STOX2: variants seen among roughly 807,000 people sequenced by gnomAD.
STOX2 encodes storkhead-box protein 2.
Under a neutral mutation model 60.9 loss-of-function variants are expected in STOX2, and 28 were observed. That is an observed-to-expected ratio of 0.46 (90% CI 0.34 to 0.63). The LOEUF is 0.63. STOX2 is among the 30% of genes least tolerant of loss of function. The pLI is 0.01. For synonymous variants in STOX2, 472 were observed against 463.9 expected, an observed-to-expected ratio of 1.02 and a Z score of -0.22; for missense variants, 1,024 against 1,187.7, an observed-to-expected ratio of 0.86 and a Z score of 2.03.
chr4:183,952,378 T>C (rs1743121275), intron 1 of STOX2, among the ~76,000 whole-genome samples: 1 of 152,256 alleles, frequency 6.6e-6, no homozygotes, highest in Admixed American at 6.5e-5. Flanking sequence ...TTTTCTTCAT[T>C]CTGAATTATT....
chr4:183,939,968 A>G (rs1027154668), intron 1 of STOX2, among the ~76,000 whole-genome samples: 2 of 152,210 alleles, frequency 1.3e-5, no homozygotes, highest in African/African-American at 4.8e-5. Flanking sequence ...CAATGGCACG[A>G]TCTCAGCTCA....
intron 1 of STOX2, among the ~76,000 whole-genome samples, chr4:183,833,939 G>T (rs375111225): frequency 1.5e-5 from 2 of 133,598 alleles, no homozygotes; most frequent in South Asian, 2.3e-4. Context: ...CCGAGATCCC[G>T]CCACTGCACT....
chr4:183,974,907 C>T (rs553569276), intron 1 of STOX2, among the ~76,000 whole-genome samples: 130 of 152,112 alleles, frequency 8.5e-4, no homozygotes, highest in African/African-American at 3.1e-3. Flanking sequence ...CTTTAAAATC[C>T]TCAGGGAGCA....
At chr4:183,995,855 C>T (rs773064870) in intron 1 of STOX2, among the ~76,000 whole-genome samples, 6 of 152,178 alleles carry the variant, frequency 3.9e-5, no homozygotes, top group Non-Finnish European at 5.9e-5. Flanking sequence ...CTCAGCTCCC[C>T]GGGCTGCCTG....
intron 1 of STOX2, among the ~76,000 whole-genome samples, chr4:183,874,675 C>T (rs1270306950): frequency 2.0e-5 from 3 of 151,240 alleles, no homozygotes; most frequent in African/African-American, 7.3e-5. Context: ...GCCTGTAATC[C>T]CAACACTTTG....
intron 1 of STOX2, among the ~76,000 whole-genome samples, chr4:183,931,460 A>G (rs529605883): frequency 5.9e-5 from 9 of 152,040 alleles, no homozygotes; most frequent in Admixed American, 1.3e-4. Context: ...TGGAGCTACC[A>G]TATTCCTGGT....
In STOX2 at chr4:184,009,142, T is replaced by TC; in HGVS notation, c.320-16_320-15insC. 2.1e-6 allele frequency: 3 copies of TC among 1,408,510 alleles called. No individual in the cohort carries two copies. Among genetic ancestry groups the TC allele is most frequent in the Non-Finnish European group, 2.8e-6 (3 of 1,058,006 alleles). The allele number at this position is 1,408,510 out of a possible 1,614,324, so 87.3% of individuals were successfully genotyped here. ...GTCTTCATTCTCACAAGTGGTTTTT[T>TC]TTTTTTTTTTTTCAGGTGTTCCAAC... On this transcript the variant is annotated splice_polypyrimidine_tract_variant and intron_variant, in intron 2 of 3. Transcript: ENST00000308497. This position sits in a 1 kb window ranked among gnomAD's most constrained non-coding sequence, Gnocchi z 4.0.
At chr4:183,955,036 A>T (rs1434020488) in intron 1 of STOX2, among the ~76,000 whole-genome samples, 1 of 152,210 alleles carries the variant, frequency 6.6e-6, no homozygotes, top group East Asian at 1.9e-4. Context: ...CTCAGAGGTA[A>T]TCTCTTCAGA....
chr4:183,898,235 C>T (rs979397945), intron 1 of STOX2, among the ~76,000 whole-genome samples: 4 of 152,116 alleles, frequency 2.6e-5, no homozygotes, highest in East Asian at 3.9e-4. Flanking sequence ...CACAGTATGG[C>T]GGTGGACTGT....
intron 1 of STOX2, among the ~76,000 whole-genome samples, chr4:183,992,318 T>G (rs1352099462): frequency 2.6e-5 from 4 of 152,216 alleles, no homozygotes; most frequent in Non-Finnish European, 5.9e-5. Context: ...CCTAAACTGA[T>G]GAAGCAGAGA....
chr4:183,874,881 A>C (rs1411613960), intron 1 of STOX2, among the ~76,000 whole-genome samples: 2 of 132,710 alleles, frequency 1.5e-5, no homozygotes, highest in South Asian at 2.7e-4. Flanking sequence ...AGCCAAGATC[A>C]TGCCACTGCA....
chr4:184,004,030 A>T (rs890434057), intron 2 of STOX2, among the ~76,000 whole-genome samples: 1 of 151,914 alleles, frequency 6.6e-6, no homozygotes, highest in South Asian at 2.1e-4. Flanking sequence ...TTTAAATTCT[A>T]CTTGAAAATT....
At chr4:183,950,997 C>CCT (rs1440702800) in intron 1 of STOX2, among the ~76,000 whole-genome samples, 3 of 151,844 alleles carry the variant, frequency 2.0e-5, no homozygotes, top group African/African-American at 7.3e-5. Context: ...GGGCGGATCA[C>CCT]GAGGTCAGGA....
intron 1 of STOX2, among the ~76,000 whole-genome samples, chr4:183,957,477 C>G (rs1743284645): frequency 1.3e-5 from 2 of 149,376 alleles, no homozygotes; most frequent in African/African-American, 5.1e-5. Context: ...AATTGATGTT[C>G]ATTTGTTGAA....
Position 183,821,306 on chromosome 4 carries a change from G to C in STOX2, c.364+23251G>C, listed in dbSNP as rs183013743. On this transcript the variant is annotated intron_variant, in intron 1 of 2. Coordinates refer to the STOX2 transcript ENST00000513034. The surrounding 1 kb of genome is among the most constrained non-coding windows in gnomAD (Gnocchi z 4.2). The stretch of plus-strand genomic sequence containing the variant: ...ACCATATGGTGCTTCACGGAATGCA[G>C]ATAATGGCTTTATTTTCCTCCCTGT... 1.2e-3 allele frequency among the ~76,000 whole-genome samples: 186 copies of C among 152,294 alleles called. No individual in the cohort carries two copies. The highest frequency in any genetic ancestry group is 4.1e-3 in the African/African-American group (170 of 41,578).
At chr4:183,823,688 A>G (rs1289135282) in intron 1 of STOX2, among the ~76,000 whole-genome samples, 1 of 152,186 alleles carries the variant, frequency 6.6e-6, no homozygotes, top group African/African-American at 2.4e-5. Flanking sequence ...ACCAGTGCCT[A>G]AAGGGCTGTC....
intron 1 of STOX2, among the ~76,000 whole-genome samples, chr4:183,920,244 T>C (rs1056272047): frequency 6.6e-6 from 1 of 152,054 alleles, no homozygotes; most frequent in African/African-American, 2.4e-5. Context: ...GCCTCCTGAG[T>C]AGCTGGGATG....
At chr4:183,916,948 T>C (rs1330749411) in intron 1 of STOX2, among the ~76,000 whole-genome samples, 3 of 152,192 alleles carry the variant, frequency 2.0e-5, no homozygotes, top group Non-Finnish European at 4.4e-5. Flanking sequence ...CCGCTCCTTC[T>C]CTGTGCTCCG....
intron 1 of STOX2, among the ~76,000 whole-genome samples, chr4:183,887,425 T>C (rs964416425): frequency 2.0e-5 from 3 of 152,190 alleles, no homozygotes; most frequent in Admixed American, 6.5e-5. Context: ...AATGTTTCCT[T>C]AGAAAGGAAA....
Sources: allele counts gnomAD v4.1 joint callset (sites outside exome capture counted in the v4.1 genomes callset), GRCh38; gene constraint gnomAD v4.1.1; non-coding constraint Gnocchi (gnomAD v3.1); transcripts MANE v1.5; gene names NCBI Gene and HGNC (gene_info 2026-07-23, HGNC 2026-07-21).